The following DNAH8 variants were observed in gnomAD, a reference collection of about 807,000 sequenced individuals.
The protein encoded by DNAH8 is dynein axonemal heavy chain 8.
DNAH8 carries 382 observed loss-of-function variants against 562.1 expected under a neutral mutation model. The observed-to-expected ratio is 0.68, with a 90% CI of 0.63 to 0.74. The LOEUF (loss-of-function observed/expected upper bound fraction) is 0.74, where lower values mean the gene tolerates loss of function less well. Among genes scored for constraint, DNAH8 ranks in the 30% least tolerant of loss-of-function variants. The pLI is 0.00. For missense variants in DNAH8, 5,203 were observed against 5,620.4 expected (o/e 0.93, Z 2.37); for synonymous variants, 1,881 against 1,919.4 (o/e 0.98, Z 0.52).
At chr6:38,913,286 C>G (rs1047870068) in intron 66 of DNAH8, among the ~76,000 whole-genome samples, 1 of 152,032 alleles carries the variant, frequency 6.6e-6, no homozygotes, top group Admixed American at 6.6e-5. Flanking sequence ...TCCCAGTGAC[C>G]CAGATTTAAA....
At chr6:38,787,970 G>A (rs180685020) in intron 18 of DNAH8, among the ~76,000 whole-genome samples, 21 of 152,130 alleles carry the variant, frequency 1.4e-4, no homozygotes, top group African/African-American at 4.8e-4. Flanking sequence ...AGTACAATTA[G>A]TAATAGCAAA....
Position 38,885,073 on chromosome 6 carries a change from G to C in DNAH8, c.8259+1075G>C, listed in dbSNP as rs775677043. 2.6e-5 allele frequency among the ~76,000 whole-genome samples: 4 copies of C among 152,294 alleles called. No individual in the cohort carries two copies. The East Asian group carries it at 7.7e-4, about 29-fold the overall frequency. On this transcript the variant is annotated intron_variant, in intron 56 of 92. Coordinates refer to ENST00000327475, the MANE Select transcript of DNAH8 (RefSeq NM_001206927.2). ...AACCAAACAGTTCTGTATGGCCTGC[G>C]TCTGCTCCAAGGCAGATAGACCTCA...
At chr6:38,937,260 C>T (rs541993968) in intron 77 of DNAH8, among the ~76,000 whole-genome samples, 3 of 151,846 alleles carry the variant, frequency 2.0e-5, no homozygotes, top group Admixed American at 6.6e-5. Context: ...ATGTAAATGA[C>T]AAGTTGATGG....
intron 26 of DNAH8, among the ~76,000 whole-genome samples, chr6:38,818,756 G>A (rs1384566871): frequency 6.6e-6 from 1 of 152,188 alleles, no homozygotes; most frequent in Admixed American, 6.5e-5. Context: ...TAACTTGAAG[G>A]CAGAATGCCT....
At chr6:38,888,487 TAAC>T (rs1183499814) in intron 57 of DNAH8, among the ~76,000 whole-genome samples, 4 of 152,142 alleles carry the variant, frequency 2.6e-5, no homozygotes, top group South Asian at 2.1e-4. Flanking sequence ...ACACATATAA[TAAC>T]AACAAAAATG....
chr6:38,866,490 C>A, intron 45 of DNAH8, 101 bp from the exon 46 acceptor site: 1 of 803,190 alleles, frequency 1.2e-6, no homozygotes, highest in Middle Eastern at 3.1e-4. Flanking sequence ...CTAATATTTT[C>A]AATACCATCT....
In DNAH8 at chr6:38,734,330, C is replaced by CT; in HGVS notation, c.611-144_611-143insT. ...ATTATTGGCATCTTCTAGTAGACCC[C>CT]CCCCCAAAAAAATTATTCTATGACC... On this transcript the variant is annotated intron_variant, in intron 4 of 92. Coordinates refer to ENST00000327475, the MANE Select transcript of DNAH8 (RefSeq NM_001206927.2). The CT allele has an allele frequency of 5.4e-6, 4 of 738,254 alleles. 1 individual carries two copies. The highest frequency in any genetic ancestry group is 7.6e-6 in the Non-Finnish European group (4 of 525,518). The allele number at this position is 738,254 out of a possible 1,614,324, so 45.7% of individuals were successfully genotyped here.
intron 21 of DNAH8, among the ~76,000 whole-genome samples, chr6:38,795,930 T>C (rs925043946): frequency 1.3e-5 from 2 of 152,226 alleles, no homozygotes; most frequent in African/African-American, 4.8e-5. Flanking sequence ...TCTTGGCGCA[T>C]CCAAGGGTGG....
chr6:39,014,235 T>C (rs1285905900), intron 91 of DNAH8, among the ~76,000 whole-genome samples: 3 of 152,152 alleles, frequency 2.0e-5, no homozygotes, highest in Non-Finnish European at 2.9e-5. Context: ...AGCCCCCAGA[T>C]TTCACTTATC....
intron 8 of DNAH8, among the ~76,000 whole-genome samples, chr6:38,747,384 C>CTTTTTTTTTTTTTTTTTTTTTTTT: frequency 8.8e-6 from 1 of 113,778 alleles, no homozygotes; most frequent in Non-Finnish European, 1.7e-5. Context: ...TTTTCTTTTT[C>CTTTTTTTTTTTTTTTTTTTTTTTT]TTTTTTTTTT....
intron 43 of DNAH8, among the ~76,000 whole-genome samples, chr6:38,861,949 G>GT (rs10677373): frequency 0.04 from 5,327 of 134,610 alleles, 158 homozygotes; most frequent in South Asian, 0.072. Flanking sequence ...TGAAAACCAG[G>GT]TTTTTTTTTT....
At chr6:38,935,325 T>C (rs1019673703) in intron 76 of DNAH8, among the ~76,000 whole-genome samples, 7 of 152,192 alleles carry the variant, frequency 4.6e-5, no homozygotes, top group African/African-American at 1.7e-4. Flanking sequence ...CTTGGGGTAA[T>C]TGGGCAAAAT....
intron 77 of DNAH8, among the ~76,000 whole-genome samples, chr6:38,936,074 C>T (rs897142800): frequency 6.7e-6 from 1 of 150,068 alleles, no homozygotes; most frequent in Non-Finnish European, 1.5e-5. Flanking sequence ...CCAAGCCAGA[C>T]GTGGTGGCTC....
chr6:38,821,465 A>T (rs1772833848), intron 26 of DNAH8, among the ~76,000 whole-genome samples: 1 of 152,228 alleles, frequency 6.6e-6, no homozygotes, highest in Admixed American at 6.5e-5. Flanking sequence ...GAAATTGATA[A>T]GATGATCCTA....
rs540252264 is a variant in DNAH8, at chr6:38,868,002, C to T, written c.6694-60C>T. On this transcript the variant is annotated intron_variant, in intron 47 of 92. Coordinates refer to ENST00000327475, the MANE Select transcript of DNAH8 (RefSeq NM_001206927.2). ...ATCGACCTATATGCATAGAGTGAGC[C>T]GTGAGTCTATGTTTAGTTTTTCAAT... The T allele has an allele frequency of 2.0e-4, 313 of 1,538,054 alleles. 4 individuals carry two copies. In the South Asian group the frequency reaches 2.9e-3, roughly 14 times the overall value.
At chr6:38,789,338 A>G (rs1196264962) in intron 18 of DNAH8, among the ~76,000 whole-genome samples, 1 of 152,242 alleles carries the variant, frequency 6.6e-6, no homozygotes, top group East Asian at 1.9e-4. Flanking sequence ...AAAATTGATC[A>G]TCATGGATCA....
chr6:38,730,804 T>C (rs1626976), intron 4 of DNAH8, among the ~76,000 whole-genome samples: 120,953 of 152,180 alleles, frequency 0.79, 48,278 homozygotes, highest in East Asian at 0.94. Context: ...TTGCTGCTCC[T>C]TTTAAGCCCC....
chr6:38,931,833 G>T lies in DNAH8; in HGVS notation c.11297G>T (p.Cys3766Phe). ...TFKVKVGDKE[C>F]DIMDTFKLYI... ...TAGGTGAAAGTCGGTGATAAGGAAT[G>T]TGATATCATGGATACATTTAAACTT... The change falls in exon 76 of 93, where the codon TGT becomes TTT. Residue 3766 changes from cysteine (C) to phenylalanine (F), a missense_variant. Cys to Phe is a radical substitution (Grantham distance 205). Around this residue, in one of 6 missense-constraint regions of DNAH8, gnomAD observed 1,399 missense variants for 1,518.4 expected, o/e 0.92. Transcript: ENST00000327475. 6.3e-7 allele frequency: 1 copy of T among 1,589,132 alleles called. No homozygotes were observed. Among genetic ancestry groups the T allele is most frequent in the Non-Finnish European group, 8.5e-7 (1 of 1,169,728 alleles).
At chr6:38,955,569 T>C (rs1359714630) in intron 82 of DNAH8, among the ~76,000 whole-genome samples, 2 of 152,058 alleles carry the variant, frequency 1.3e-5, no homozygotes, top group Non-Finnish European at 2.9e-5. Context: ...AGGTGGAGGT[T>C]GCAGTGAGCC....
Sources: gnomAD v4.1 joint callset for allele counts (sites outside exome capture counted in the v4.1 genomes callset) on GRCh38, gnomAD v4.1.1 for gene constraint, gnomAD v4.1.1 regional missense constraint, MANE v1.5 for transcripts, NCBI Gene and HGNC (gene_info 2026-07-23, HGNC 2026-07-21) for gene names.